Variants in WDR33 observed in about 807,000 individuals in gnomAD.
The protein encoded by WDR33 is pre-mRNA 3' end processing protein WDR33.
Under a neutral mutation model 164.9 loss-of-function variants are expected in WDR33, and 47 were observed. The ratio of observed to expected loss-of-function variants is 0.29; its 90% CI spans 0.23 to 0.36. The LOEUF is 0.36. WDR33 is among the 10% of genes least tolerant of loss of function. The probability of loss-of-function intolerance (pLI) is 1.00; values close to 1 mark genes in which losing one functional copy is unlikely to be tolerated. For synonymous variants in WDR33, 505 were observed against 589.0 expected (o/e 0.86, Z 2.06); for missense variants, 1,137 against 1,754.1 (o/e 0.65, Z 6.28).
At chr2:127,806,041 G>C (rs1422776615) in intron 1 of WDR33, among the ~76,000 whole-genome samples, 1 of 151,718 alleles carries the variant, frequency 6.6e-6, no homozygotes, top group Non-Finnish European at 1.5e-5. Flanking sequence ...TGAGCTGGGA[G>C]GTTGAGGCTG....
At chr2:127,802,722 T>C (rs1275191241) in intron 1 of WDR33, among the ~76,000 whole-genome samples, 2 of 152,180 alleles carry the variant, frequency 1.3e-5, no homozygotes, top group African/African-American at 4.8e-5. Context: ...TCATGCCTTG[T>C]AATCCTAGTA....
Position 127,719,803 on chromosome 2 carries a change from T to C in WDR33, c.2222A>G (p.Gln741Arg). 1 of 1,613,660 alleles carries C rather than the reference T, an allele frequency of 6.2e-7. No homozygotes were observed. Among genetic ancestry groups the C allele is most frequent in the Non-Finnish European group, 8.5e-7 (1 of 1,179,954 alleles). The change falls in exon 16 of 22, where the codon CAG becomes CGG. Residue 741 changes from glutamine to arginine, a missense_variant. Physicochemically the swap from Gln to Arg is conservative, Grantham distance 43. This residue lies in a region of WDR33 where 867 missense variants were observed against 1,073.0 expected (regional missense o/e 0.81). Coordinates refer to ENST00000322313, the MANE Select transcript of WDR33 (RefSeq NM_018383.5). This position sits in a 1 kb window ranked among gnomAD's most constrained non-coding sequence, Gnocchi z 6.5. ...PQGPPGTQGMQGPPGPRGMQG... is the reference protein window; with the variant it reads ...PQGPPGTQGMRGPPGPRGMQG... ...CATTCCTCTGGGACCAGGTGGTCCC[T>C]GCATACCTTGAGTACCCGGAGGCCC...
At position 127,720,003 on chromosome 2, in the gene WDR33, G is replaced by A. The variant is rs750282442; in HGVS notation, c.2022C>T (p.Pro674=). ...GTCCAGGATGCCTCTGCATTCCTTG[G>A]GGCCCATGCATGTCCTGAGGCCGTG... ...GLPRPQDMHG[P]QGMQRHPGPH... The change falls in exon 16 of 22, where the codon CCC becomes CCT. Residue 674 remains proline (P), a synonymous_variant. Coordinates refer to ENST00000322313, the MANE Select transcript of WDR33 (RefSeq NM_018383.5). The surrounding 1 kb of genome is among the most constrained non-coding windows in gnomAD (Gnocchi z 5.9). The A allele has an allele frequency of 1.2e-6, 2 of 1,613,726 alleles. No homozygotes were observed. Among genetic ancestry groups the A allele is most frequent in the Non-Finnish European group, 1.7e-6 (2 of 1,179,876 alleles).
At chr2:127,728,547 A>C (rs1046498999) in intron 7 of WDR33, among the ~76,000 whole-genome samples, 3 of 152,104 alleles carry the variant, frequency 2.0e-5, no homozygotes, top group Non-Finnish European at 2.9e-5. Context: ...GGGGGAAGAG[A>C]GGTTTTGCTG....
At chr2:127,737,437 A>G in intron 7 of WDR33, 1 of 985,618 alleles carries the variant, frequency 1.0e-6, no homozygotes, top group Non-Finnish European at 1.2e-6. Context: ...GCAGATATTC[A>G]CAATTCAGTA....
intron 7 of WDR33, chr2:127,762,469 G>T: frequency 1.0e-6 from 1 of 963,878 alleles, no homozygotes; most frequent in Non-Finnish European, 1.2e-6. Flanking sequence ...TAAAATAATC[G>T]AAGTGAGAAT....
chr2:127,809,205 G>A (rs1689549996), intron 1 of WDR33, among the ~76,000 whole-genome samples: 1 of 151,938 alleles, frequency 6.6e-6, no homozygotes, highest in Non-Finnish European at 1.5e-5. Context: ...CAAAGTAATG[G>A]GAAAAGTATA....
At chr2:127,740,528 A>T (rs1686983544) in intron 7 of WDR33, among the ~76,000 whole-genome samples, 5 of 152,336 alleles carry the variant, frequency 3.3e-5, no homozygotes, top group East Asian at 3.9e-4. Context: ...CCTGGGTGAG[A>T]GTGAGATCCT....
At position 127,721,099 on chromosome 2, in the gene WDR33, T is replaced by C. The variant is rs567203405; in HGVS notation, c.1671+737A>G. On this transcript the variant is annotated intron_variant, in intron 15 of 21. Coordinates refer to ENST00000322313, the MANE Select transcript of WDR33 (RefSeq NM_018383.5). This position sits in a 1 kb window ranked among gnomAD's most constrained non-coding sequence, Gnocchi z 4.9. ...TCTACTCACTGCCCCACTAATTCAG[T>C]TTTTTTATGTTGTTGTTGTTGTTTT... 1.3e-5 allele frequency among the ~76,000 whole-genome samples: 2 copies of C among 152,150 alleles called. No homozygotes were observed. Among genetic ancestry groups the C allele is most frequent in the Non-Finnish European group, 2.9e-5 (2 of 68,014 alleles).
At chr2:127,804,905 A>G (rs1689377812) in intron 1 of WDR33, among the ~76,000 whole-genome samples, 1 of 152,136 alleles carries the variant, frequency 6.6e-6, no homozygotes, top group Non-Finnish European at 1.5e-5. Context: ...GGAAAAATAT[A>G]CCTCTTTGAT....
chr2:127,783,195 A>C (rs968771082), intron 1 of WDR33, among the ~76,000 whole-genome samples: 1 of 152,220 alleles, frequency 6.6e-6, no homozygotes, highest in East Asian at 1.9e-4. Flanking sequence ...ATTTTAGTGA[A>C]TACTACTTTA....
chr2:127,770,652 C>A lies in WDR33; in HGVS notation c.204+126G>T. 1.5e-6 allele frequency: 1 copy of A among 657,320 alleles called. No homozygotes were observed. The highest frequency in any genetic ancestry group is 2.1e-6 in the Non-Finnish European group (1 of 477,602). The allele number at this position is 657,320 out of a possible 1,614,324, so 40.7% of individuals were successfully genotyped here. ...GTTGCAGTGAGCCAAAACCACACCA[C>A]TGCACTCTGGCCTGGGCAACAAGAA... On this transcript the variant is annotated intron_variant, in intron 2 of 21. Transcript: ENST00000322313. This position sits in a 1 kb window ranked among gnomAD's most constrained non-coding sequence, Gnocchi z 4.9.
chr2:127,794,003 C>T (rs759010639), intron 1 of WDR33, among the ~76,000 whole-genome samples: 7 of 151,950 alleles, frequency 4.6e-5, no homozygotes, highest in Admixed American at 6.6e-5. Context: ...GGAGTGGTGG[C>T]GCACCCGTGG....
Position 127,720,437 on chromosome 2 carries a change from TA to T in WDR33, c.1672-85del. On this transcript the variant is annotated intron_variant, in intron 15 of 21. Coordinates refer to ENST00000322313, the MANE Select transcript of WDR33 (RefSeq NM_018383.5). This position sits in a 1 kb window ranked among gnomAD's most constrained non-coding sequence, Gnocchi z 5.9. ...ACAATATTGCTATCATGTATTCTGTTAGGGGACTCTCAAACATAAAAACTGC... is the reference window on the plus strand; with the variant it reads ...ACAATATTGCTATCATGTATTCTGTTGGGGACTCTCAAACATAAAAACTGC... 2 of 1,428,312 alleles carry T rather than the reference TA, an allele frequency of 1.4e-6. No homozygotes were observed. Among genetic ancestry groups the T allele is most frequent in the Non-Finnish European group, 1.8e-6 (2 of 1,091,252 alleles). The allele number at this position is 1,428,312 out of a possible 1,614,324, so 88.5% of individuals were successfully genotyped here.
At chr2:127,803,482 C>G (rs1397007194) in intron 1 of WDR33, among the ~76,000 whole-genome samples, 1 of 152,008 alleles carries the variant, frequency 6.6e-6, no homozygotes, top group Non-Finnish European at 1.5e-5. Flanking sequence ...GCACAAGAAT[C>G]GCTTCAACCC....
intron 1 of WDR33, among the ~76,000 whole-genome samples, chr2:127,797,059 G>GA (rs1362995777): frequency 6.6e-6 from 1 of 151,980 alleles, no homozygotes; most frequent in Non-Finnish European, 1.5e-5. Context: ...GAATGTCCAT[G>GA]AATGATCACC....
intron 1 of WDR33, among the ~76,000 whole-genome samples, chr2:127,803,564 T>A (rs369101881): frequency 3.3e-5 from 5 of 152,176 alleles, no homozygotes; most frequent in Middle Eastern, 6.8e-3. Context: ...GGAGACTGTC[T>A]CAAAAAATAA....
chr2:127,723,874 T>A lies in WDR33; in HGVS notation c.1196+459A>T, dbSNP rs1686500652. The stretch of plus-strand genomic sequence containing the variant: ...GGAGGATTGCCTAAGCCCAGGAGTT[T>A]GACATCAGCCTGGGCAACATGGTGA... On this transcript the variant is annotated intron_variant, in intron 11 of 21. Coordinates refer to ENST00000322313, the MANE Select transcript of WDR33 (RefSeq NM_018383.5). The surrounding 1 kb of genome is among the most constrained non-coding windows in gnomAD (Gnocchi z 5.9). Among the ~76,000 whole-genome samples, 1 of 151,840 alleles carries A rather than the reference T, an allele frequency of 6.6e-6. No individual in the cohort carries two copies. Among genetic ancestry groups the A allele is most frequent in the African/African-American group, 2.4e-5 (1 of 41,334 alleles).
intron 1 of WDR33, among the ~76,000 whole-genome samples, chr2:127,778,432 A>G (rs1471397937): frequency 3.0e-5 from 4 of 134,292 alleles, no homozygotes; most frequent in Non-Finnish European, 6.3e-5. Context: ...GCAAGACTCC[A>G]TCTCAAGAAA....
Sources: gnomAD v4.1 joint callset for allele counts (sites outside exome capture counted in the v4.1 genomes callset) on GRCh38, gnomAD v4.1.1 for gene constraint, gnomAD v4.1.1 regional missense constraint, Gnocchi (gnomAD v3.1) non-coding constraint, MANE v1.5 for transcripts, NCBI Gene and HGNC (gene_info 2026-07-23, HGNC 2026-07-21) for gene names.